The following C1QTNF7 variants were observed in gnomAD, a reference collection of about 807,000 sequenced individuals.
C1QTNF7 encodes C1q and TNF related 7.
C1QTNF7 carries 15 observed loss-of-function variants against 19.6 expected under a neutral mutation model. The ratio of observed to expected loss-of-function variants is 0.76; its 90% CI spans 0.51 to 1.18. C1QTNF7 has a LOEUF of 1.18. Among genes scored for constraint, C1QTNF7 ranks in the 50% most tolerant of loss-of-function variants. The pLI is 0.00. For missense variants in C1QTNF7, 324 were observed against 359.7 expected, an observed-to-expected ratio of 0.90 and a Z score of 0.80; for synonymous variants, 142 against 137.5, an observed-to-expected ratio of 1.03 and a Z score of -0.23.
chr4:15,408,732 C>T (rs988538655), intron 1 of C1QTNF7, among the ~76,000 whole-genome samples: 8 of 152,114 alleles, frequency 5.3e-5, no homozygotes, highest in African/African-American at 1.7e-4. Flanking sequence ...CAGACTATCT[C>T]ATAGTCTGAA....
intron 1 of C1QTNF7, among the ~76,000 whole-genome samples, chr4:15,359,392 G>A (rs763636418): frequency 5.3e-5 from 8 of 152,094 alleles, no homozygotes; most frequent in Non-Finnish European, 1.2e-4. Context: ...AATTGGAGGT[G>A]GAAAGAATGT....
chr4:15,440,094 G>A (rs946631858), intron 2 of C1QTNF7, among the ~76,000 whole-genome samples: 1 of 151,772 alleles, frequency 6.6e-6, no homozygotes, highest in Admixed American at 6.6e-5. Context: ...CTTCAACCAG[G>A]ATCACCATTT....
At chr4:15,406,960 A>G (rs1316947487) in intron 1 of C1QTNF7, among the ~76,000 whole-genome samples, 2 of 151,946 alleles carry the variant, frequency 1.3e-5, no homozygotes, top group African/African-American at 4.9e-5. Context: ...TAATTTTTCT[A>G]TGATTAACAT....
chr4:15,404,288 T>C (rs1466529351), intron 1 of C1QTNF7, among the ~76,000 whole-genome samples: 1 of 152,186 alleles, frequency 6.6e-6, no homozygotes, highest in Admixed American at 6.5e-5. Context: ...TCACAATACA[T>C]GGGGCCTAAG....
intron 1 of C1QTNF7, among the ~76,000 whole-genome samples, chr4:15,405,645 G>A (rs1365080997): frequency 6.6e-6 from 1 of 152,150 alleles, no homozygotes; most frequent in Non-Finnish European, 1.5e-5. Context: ...CACTCTCCCT[G>A]CTGAGTGTTT....
chr4:15,347,581 G>C (rs1388060797), intron 1 of C1QTNF7, among the ~76,000 whole-genome samples: 1 of 152,130 alleles, frequency 6.6e-6, no homozygotes, highest in Admixed American at 6.6e-5. Context: ...AACTCCATAT[G>C]TATGTTCTGG....
At chr4:15,434,914 C>T (rs913329467) in intron 1 of C1QTNF7, among the ~76,000 whole-genome samples, 4 of 152,138 alleles carry the variant, frequency 2.6e-5, no homozygotes, top group Non-Finnish European at 5.9e-5. Context: ...AAGTTTGAGA[C>T]CTCCCCTCAG....
chr4:15,420,962 G>A (rs572021101), intron 1 of C1QTNF7, among the ~76,000 whole-genome samples: 54 of 151,174 alleles, frequency 3.6e-4, no homozygotes, highest in African/African-American at 1.3e-3. Context: ...TGTTTTGGCT[G>A]GAAGTGAATA....
chr4:15,376,839 A>G (rs948732598), intron 1 of C1QTNF7, among the ~76,000 whole-genome samples: 2 of 152,246 alleles, frequency 1.3e-5, no homozygotes, highest in Non-Finnish European at 2.9e-5. Flanking sequence ...ACTGAAGCTC[A>G]AAGACATGAA....
chr4:15,347,836 TA>T (rs1716771313), intron 1 of C1QTNF7, among the ~76,000 whole-genome samples: 1 of 152,134 alleles, frequency 6.6e-6, no homozygotes, highest in Admixed American at 6.5e-5. Flanking sequence ...GCCCATCTCA[TA>T]AAAAGACCAA....
chr4:15,373,940 C>T (rs1469702007), intron 1 of C1QTNF7: 1 of 152,188 alleles, frequency 6.6e-6, no homozygotes, highest in Non-Finnish European at 1.5e-5. Flanking sequence ...TTGCTTTCAT[C>T]CTGGACAAAA....
intron 1 of C1QTNF7, among the ~76,000 whole-genome samples, chr4:15,370,368 G>A (rs1717676481): frequency 6.6e-6 from 1 of 152,146 alleles, no homozygotes; most frequent in Admixed American, 6.5e-5. Context: ...TACATCAGCT[G>A]GCTGTTTCCA....
At chr4:15,416,813 T>C (rs1316785939) in intron 1 of C1QTNF7, among the ~76,000 whole-genome samples, 1 of 152,220 alleles carries the variant, frequency 6.6e-6, no homozygotes, top group Non-Finnish European at 1.5e-5. Context: ...GCACAGCAAA[T>C]TGAGTCTCAT....
chr4:15,366,131 A>G (rs1717509310), intron 1 of C1QTNF7, among the ~76,000 whole-genome samples: 1 of 152,208 alleles, frequency 6.6e-6, no homozygotes. Context: ...TGTAAGAGAC[A>G]CAATTTACTG....
At chr4:15,398,989 G>T (rs1478182710) in intron 1 of C1QTNF7, among the ~76,000 whole-genome samples, 1 of 152,118 alleles carries the variant, frequency 6.6e-6, no homozygotes, top group Non-Finnish European at 1.5e-5. Context: ...TTAGTGGTTG[G>T]GAGGTGAGCA....
chr4:15,419,248 A>G (rs1360246810), intron 1 of C1QTNF7, among the ~76,000 whole-genome samples: 5 of 152,220 alleles, frequency 3.3e-5, no homozygotes, highest in Admixed American at 1.3e-4. Context: ...AATCTATCCT[A>G]AGGAAATAAT....
At chr4:15,413,121 G>C (rs927935865) in intron 1 of C1QTNF7, among the ~76,000 whole-genome samples, 5 of 152,208 alleles carry the variant, frequency 3.3e-5, no homozygotes, top group African/African-American at 1.2e-4. Flanking sequence ...TGATCAAAAT[G>C]AACAGCATAT....
chr4:15,380,934 C>A (rs1283118329), intron 1 of C1QTNF7, among the ~76,000 whole-genome samples: 2 of 150,372 alleles, frequency 1.3e-5, no homozygotes, highest in African/African-American at 2.5e-5. Context: ...GACTCTGTCT[C>A]AAGAAAAAGA....
chr4:15,442,724 C>A lies in C1QTNF7; in HGVS notation c.795C>A (p.Asp265Glu). Reference protein sequence around the residue: ...NGLFSDPGWADSLFSGFLLYV... With the variant: ...NGLFSDPGWAESLFSGFLLYV... ...TCTTCTCAGACCCAGGTTGGGCAGA[C>A]AGCTTATTCTCCGGGTTTCTCTTAT... The change falls in exon 3 of 3, where the codon GAC becomes GAA. Residue 265 changes from aspartate (D) to glutamate (E), a missense_variant. By Grantham distance (45) the Asp-to-Glu change is conservative. Transcript: ENST00000444304. 6.2e-7 allele frequency: 1 copy of A among 1,614,116 alleles called. No individual in the cohort carries two copies. The highest frequency in any genetic ancestry group is 1.1e-5 in the South Asian group (1 of 91,064).
Sources: allele counts gnomAD v4.1 joint callset (sites outside exome capture counted in the v4.1 genomes callset), GRCh38; gene constraint gnomAD v4.1.1; transcripts MANE v1.5; gene names NCBI Gene and HGNC (gene_info 2026-07-23, HGNC 2026-07-21).